The following NEGR1 variants were observed in gnomAD, a reference collection of about 807,000 sequenced individuals.
The protein encoded by NEGR1 is IgLON family member 4.
Under a neutral mutation model 40.9 loss-of-function variants are expected in NEGR1, and 10 were observed. The observed-to-expected ratio is 0.24, with a 90% CI of 0.15 to 0.42. The LOEUF (loss-of-function observed/expected upper bound fraction) is 0.42. NEGR1 is among the 10% of genes least tolerant of loss of function. The pLI, the probability that NEGR1 is intolerant of heterozygous loss-of-function variation, is 1.00. For synonymous variants in NEGR1, 185 were observed against 166.8 expected (o/e 1.11, Z -0.84); for missense variants, 352 against 438.9 (o/e 0.80, Z 1.77).
chr1:71,844,389 A>T (rs1044432592), intron 2 of NEGR1, among the ~76,000 whole-genome samples: 3 of 152,182 alleles, frequency 2.0e-5, no homozygotes, highest in African/African-American at 7.2e-5. Context: ...AGAGGGTCAT[A>T]ATACTGAATC....
chr1:71,659,173 G>C (rs909779627), intron 4 of NEGR1, among the ~76,000 whole-genome samples: 2 of 152,146 alleles, frequency 1.3e-5, no homozygotes, highest in Admixed American at 6.5e-5. Context: ...AATCTTCAGA[G>C]GTTTTTGATT....
At chr1:72,052,446 A>G (rs759828716) in intron 1 of NEGR1, among the ~76,000 whole-genome samples, 1 of 151,454 alleles carries the variant, frequency 6.6e-6, no homozygotes, top group Non-Finnish European at 1.5e-5. Flanking sequence ...GTTTTAGAAA[A>G]TAGTTAACCT....
At chr1:71,951,625 T>C (rs377087020) in intron 1 of NEGR1, among the ~76,000 whole-genome samples, 53 of 152,002 alleles carry the variant, frequency 3.5e-4, no homozygotes, top group African/African-American at 1.0e-3. Flanking sequence ...AAACTTACAA[T>C]CTAGAAGACA....
chr1:71,690,482 T>C (rs1354378132), intron 4 of NEGR1, among the ~76,000 whole-genome samples: 1 of 151,540 alleles, frequency 6.6e-6, no homozygotes, highest in Non-Finnish European at 1.5e-5. Context: ...TGCGATGATT[T>C]TCAGGGTTTG....
intron 1 of NEGR1, among the ~76,000 whole-genome samples, chr1:72,053,663 A>T (rs1436555310): frequency 2.0e-5 from 3 of 151,254 alleles, no homozygotes; most frequent in Non-Finnish European, 1.5e-5. Flanking sequence ...CCTCAGCCAA[A>T]TTATATCTAT....
chr1:71,927,043 C>T (rs527373117), intron 2 of NEGR1, among the ~76,000 whole-genome samples: 13 of 152,060 alleles, frequency 8.5e-5, no homozygotes, highest in Non-Finnish European at 1.9e-4. Flanking sequence ...AGCTGGTATT[C>T]AAACAAGAAT....
intron 4 of NEGR1, among the ~76,000 whole-genome samples, chr1:71,650,819 A>T (rs1318279522): frequency 1.3e-5 from 2 of 152,178 alleles, no homozygotes; most frequent in African/African-American, 4.8e-5. Flanking sequence ...TGCTATATGG[A>T]GATCTTATTT....
chr1:72,164,898 C>G (rs1651713761), intron 1 of NEGR1, among the ~76,000 whole-genome samples: 1 of 152,064 alleles, frequency 6.6e-6, no homozygotes, highest in Non-Finnish European at 1.5e-5. Context: ...TGCTAAGTAT[C>G]ACCATAGCTA....
chr1:71,579,574 C>T (rs1251570599), intron 6 of NEGR1, among the ~76,000 whole-genome samples: 1 of 146,938 alleles, frequency 6.8e-6, no homozygotes, highest in Non-Finnish European at 1.5e-5. Flanking sequence ...TTTTTTAATA[C>T]AAAATACAAA....
intron 3 of NEGR1, among the ~76,000 whole-genome samples, chr1:71,761,888 A>T (rs1655955371): frequency 6.6e-6 from 1 of 152,150 alleles, no homozygotes; most frequent in Admixed American, 6.5e-5. Flanking sequence ...AATGGTAAAA[A>T]TATAAAAGAT....
intron 2 of NEGR1, among the ~76,000 whole-genome samples, chr1:71,922,909 G>C (rs549609150): frequency 6.6e-6 from 1 of 152,132 alleles, no homozygotes; most frequent in Non-Finnish European, 1.5e-5. Context: ...AATATTAAAA[G>C]TGAATGTGAC....
chr1:71,552,185 T>C (rs1319083922), intron 6 of NEGR1, among the ~76,000 whole-genome samples: 2 of 151,498 alleles, frequency 1.3e-5, no homozygotes, highest in Non-Finnish European at 3.0e-5. Context: ...CCCCAGGTGA[T>C]ATGTAATCAC....
rs545894379 is a variant in NEGR1, at chr1:71,400,757, G to A, written c.*6689C>T. On this transcript the variant is annotated 3_prime_UTR_variant, in exon 7 of 7. Coordinates refer to ENST00000357731, the MANE Select transcript of NEGR1 (RefSeq NM_173808.3). Reference sequence around the variant, plus strand: ...TTTAAAAATTTTACATCTCGTCTGGGAGCGGTGGCTCACGCCTGTAATCCC... The same window carrying A: ...TTTAAAAATTTTACATCTCGTCTGGAAGCGGTGGCTCACGCCTGTAATCCC... 1.3e-5 allele frequency: 2 copies of A among 152,114 alleles called. No individual in the cohort carries two copies. The highest frequency in any genetic ancestry group is 1.3e-4 in the Admixed American group (2 of 15,268). 9.4% of individuals were successfully genotyped at this position (152,114 alleles called of 1,614,324 possible). A position where few individuals can be genotyped will look rare whatever the true frequency, so the allele number is the denominator to read the frequency against.
At chr1:71,526,847 G>A (rs17091316) in intron 6 of NEGR1, among the ~76,000 whole-genome samples, 10,105 of 151,498 alleles carry the variant, frequency 0.067, 383 homozygotes, top group South Asian at 0.091. Flanking sequence ...AGGAACACAA[G>A]ACCCTTCAGT....
chr1:71,580,887 T>A (rs968438346), intron 6 of NEGR1, among the ~76,000 whole-genome samples: 3 of 152,144 alleles, frequency 2.0e-5, no homozygotes, highest in Non-Finnish European at 4.4e-5. Context: ...TTCAAGTAGA[T>A]AGTGGCATGC....
chr1:72,012,417 T>C (rs1054455020), intron 1 of NEGR1, among the ~76,000 whole-genome samples: 1 of 151,998 alleles, frequency 6.6e-6, no homozygotes, highest in African/African-American at 2.4e-5. Context: ...CTTGCTACGG[T>C]CGAGCCAAAT....
intron 6 of NEGR1, chr1:71,468,395 G>C (rs1373251035): frequency 1.3e-5 from 2 of 151,966 alleles, no homozygotes; most frequent in African/African-American, 2.4e-5. Flanking sequence ...TGAGCAAAAA[G>C]CTGAGTTGAA....
chr1:72,126,416 C>T (rs1164262790), intron 1 of NEGR1, among the ~76,000 whole-genome samples: 2 of 152,042 alleles, frequency 1.3e-5, no homozygotes, highest in Non-Finnish European at 2.9e-5. Flanking sequence ...TAAGTATTTA[C>T]TACTAAAACA....
intron 1 of NEGR1, among the ~76,000 whole-genome samples, chr1:72,119,487 T>TA (rs924873248): frequency 1.4e-4 from 22 of 152,004 alleles, no homozygotes; most frequent in African/African-American, 5.1e-4. Context: ...GGCATAAGAA[T>TA]AAAAAAGCAT....
Sources: gnomAD v4.1 joint callset for allele counts (sites outside exome capture counted in the v4.1 genomes callset) on GRCh38, gnomAD v4.1.1 for gene constraint, MANE v1.5 for transcripts, NCBI Gene and HGNC (gene_info 2026-07-23, HGNC 2026-07-21) for gene names.